The following ANKRD29 variants were observed in gnomAD, a reference collection of about 807,000 sequenced individuals.
The protein encoded by ANKRD29 is ankyrin repeat domain 29, also known as ankyrin repeat domain-containing protein 29.
Under a neutral mutation model 38.0 loss-of-function variants are expected in ANKRD29, and 32 were observed. The ratio of observed to expected loss-of-function variants is 0.84; its 90% CI spans 0.64 to 1.13. The LOEUF (loss-of-function observed/expected upper bound fraction) is 1.13, where lower values mean the gene tolerates loss of function less well. Among genes scored for constraint, ANKRD29 ranks in the 50% most tolerant of loss-of-function variants. ANKRD29 has a pLI of 0.00. For missense variants in ANKRD29, 357 were observed against 377.9 expected (o/e 0.94, Z 0.46); for synonymous variants, 135 against 152.4 (o/e 0.89, Z 0.84).
chr18:23,656,092 CAAAA>C (rs1288367761), intron 1 of ANKRD29, among the ~76,000 whole-genome samples: 3 of 64,470 alleles, frequency 4.7e-5, no homozygotes, highest in Non-Finnish European at 3.5e-5. Context: ...GACTCCGTCT[CAAAA>C]AAAAAAAAAA....
At chr18:23,608,186 G>A (rs2145634783) in intron 9 of ANKRD29, among the ~76,000 whole-genome samples, 1 of 152,330 alleles carries the variant, frequency 6.6e-6, no homozygotes, top group East Asian at 1.9e-4. Flanking sequence ...TATTCACTAT[G>A]GCATTCCCAG....
At chr18:23,655,568 C>T (rs2060268451) in intron 1 of ANKRD29, among the ~76,000 whole-genome samples, 1 of 151,966 alleles carries the variant, frequency 6.6e-6, no homozygotes, top group African/African-American at 2.4e-5. Context: ...CCTTAGCCTC[C>T]TGAGTAGCTG....
rs2145694680 is a variant in ANKRD29, at chr18:23,634,051, A to G, written c.429T>C (p.Tyr143=). The G allele has an allele frequency of 6.2e-7, 1 of 1,614,138 alleles. No individual in the cohort carries two copies. Among genetic ancestry groups the G allele is most frequent in the Non-Finnish European group, 8.5e-7 (1 of 1,179,982 alleles). Reference sequence around the variant, plus strand: ...TAATGTCCCCCTGAAATGCACTCACATAAAGTTGGTCATGGATGTTTGCTC... The same window carrying G: ...TAATGTCCCCCTGAAATGCACTCACGTAAAGTTGGTCATGGATGTTTGCTC... ...KHGANIHDQL[Y]DGATALFLAA... The change falls in exon 5 of 10, where the codon TAT becomes TAC. Residue 143 remains tyrosine (Y), a splice_region_variant and synonymous_variant. Coordinates refer to ENST00000592179, the MANE Select transcript of ANKRD29 (RefSeq NM_173505.4).
At chr18:23,616,552 A>G (rs1450980518) in intron 8 of ANKRD29, among the ~76,000 whole-genome samples, 10 of 139,628 alleles carry the variant, frequency 7.2e-5, no homozygotes, top group Non-Finnish European at 1.2e-4. Flanking sequence ...TATATATAGT[A>G]TATATATATA....
At chr18:23,631,458 C>T (rs1187969276) in intron 5 of ANKRD29, among the ~76,000 whole-genome samples, 2 of 150,618 alleles carry the variant, frequency 1.3e-5, no homozygotes, top group Non-Finnish European at 3.0e-5. Flanking sequence ...GTTGCCCAGG[C>T]TGGTCTCGAA....
At chr18:23,627,261 C>CCCT (rs2059873178) in intron 6 of ANKRD29, among the ~76,000 whole-genome samples, 1 of 152,170 alleles carries the variant, frequency 6.6e-6, no homozygotes, top group South Asian at 2.1e-4. Context: ...AATTCCATTG[C>CCCT]CTTTTTTCCC....
chr18:23,632,760 C>T (rs189171009), intron 5 of ANKRD29, among the ~76,000 whole-genome samples: 3 of 152,056 alleles, frequency 2.0e-5, no homozygotes, highest in Admixed American at 6.6e-5. Context: ...AGTTGAGAAT[C>T]GCCTCTTTAG....
intron 9 of ANKRD29, among the ~76,000 whole-genome samples, chr18:23,607,781 A>G (rs2059591494): frequency 6.6e-6 from 1 of 152,242 alleles, no homozygotes; most frequent in South Asian, 2.1e-4. Flanking sequence ...GAGCAGGAGC[A>G]TAGGCCCATA....
At chr18:23,624,721 G>A (rs1872918824) in intron 6 of ANKRD29, among the ~76,000 whole-genome samples, 1 of 152,084 alleles carries the variant, frequency 6.6e-6, no homozygotes, top group Non-Finnish European at 1.5e-5. Context: ...TCAGAGAGGA[G>A]TGAGTTCTCC....
chr18:23,641,835 G>C (rs2060081891), intron 3 of ANKRD29, among the ~76,000 whole-genome samples: 1 of 152,166 alleles, frequency 6.6e-6, no homozygotes, highest in African/African-American at 2.4e-5. Flanking sequence ...ACAGAGGTCA[G>C]GACTACCAGC....
rs370643642 is a variant in ANKRD29, at chr18:23,649,079, G to A, written c.132+4C>T. On this transcript the variant is annotated splice_donor_region_variant and intron_variant, in intron 2 of 9. Transcript: ENST00000592179. ...CTGGGCATGCATCTACCGAACCACC[G>A]TACGCTGTCTCTGCAGTCCACGTCC... is the stretch of plus-strand genomic sequence containing the variant. 9.7e-5 allele frequency: 156 copies of A among 1,613,582 alleles called. No homozygotes were observed. In the African/African-American group the frequency reaches 1.6e-3, roughly 17 times the overall value.
intron 2 of ANKRD29, chr18:23,647,464 T>C (rs2060154071): frequency 6.6e-6 from 1 of 152,200 alleles, no homozygotes; most frequent in South Asian, 2.1e-4. Context: ...ATGTAAAAAG[T>C]ATCGGTAAAG....
chr18:23,622,124 T>G (rs2059804220), intron 6 of ANKRD29, among the ~76,000 whole-genome samples: 1 of 152,100 alleles, frequency 6.6e-6, no homozygotes. Context: ...GAGGGCTCAG[T>G]GTCCTGGATA....
At chr18:23,659,570 C>T (rs2060328777) in intron 1 of ANKRD29, among the ~76,000 whole-genome samples, 2 of 151,844 alleles carry the variant, frequency 1.3e-5, no homozygotes, top group Non-Finnish European at 2.9e-5. Flanking sequence ...TGGTGAAACC[C>T]GGTCTCTACT....
intron 6 of ANKRD29, among the ~76,000 whole-genome samples, chr18:23,623,934 C>T (rs2059827592): frequency 1.3e-5 from 2 of 151,706 alleles, no homozygotes; most frequent in South Asian, 2.1e-4. Flanking sequence ...TTAGCCACCG[C>T]GTCTGGCGAT....
intron 3 of ANKRD29, among the ~76,000 whole-genome samples, chr18:23,639,425 G>A (rs2060043938): frequency 6.6e-6 from 1 of 151,890 alleles, no homozygotes; most frequent in South Asian, 2.1e-4. Context: ...TAAAAAGAAA[G>A]GAAATTCTGA....
At chr18:23,627,867 A>T (rs552982305) in intron 6 of ANKRD29, among the ~76,000 whole-genome samples, 2 of 152,310 alleles carry the variant, frequency 1.3e-5, no homozygotes, top group East Asian at 1.9e-4. Flanking sequence ...AATAAGAAGG[A>T]CCAATACGAA....
In ANKRD29 at chr18:23,662,772, G is replaced by A; in HGVS notation, c.-42C>T. 3 of 1,444,902 alleles carry A rather than the reference G, an allele frequency of 2.1e-6. No homozygotes were observed. The highest frequency in any genetic ancestry group is 1.3e-5 in the South Asian group (1 of 74,458). 89.5% of individuals were successfully genotyped at this position (1,444,902 alleles called of 1,614,324 possible). A position where few individuals can be genotyped will look rare whatever the true frequency, so the allele number is the denominator to read the frequency against. Reference sequence around the variant, plus strand: ...GCGGGAGCCGGCGCGCTTTGGGCCCGGGGCGCCTTGTCCTCCCCGGCCCTT... The same window carrying A: ...GCGGGAGCCGGCGCGCTTTGGGCCCAGGGCGCCTTGTCCTCCCCGGCCCTT... On this transcript the variant is annotated 5_prime_UTR_variant, in exon 1 of 10. Coordinates refer to ENST00000592179, the MANE Select transcript of ANKRD29 (RefSeq NM_173505.4).
intron 2 of ANKRD29, chr18:23,647,386 G>T (rs2060153185): frequency 6.6e-6 from 1 of 152,190 alleles, no homozygotes; most frequent in African/African-American, 2.4e-5. Flanking sequence ...TCAATGTTAG[G>T]CTGTCATCTG....
Sources: gnomAD v4.1 joint callset for allele counts (sites outside exome capture counted in the v4.1 genomes callset) on GRCh38, gnomAD v4.1.1 for gene constraint, MANE v1.5 for transcripts, NCBI Gene and HGNC (gene_info 2026-07-23, HGNC 2026-07-21) for gene names.